CRACD: variants seen among roughly 807,000 people sequenced by gnomAD.
The protein encoded by CRACD is capping protein inhibiting regulator of actin dynamics, also known as capping protein-inhibiting regulator of actin dynamics.
In CRACD, 56 loss-of-function variants were observed where a neutral mutation model predicts 106.8. The observed-to-expected ratio is 0.52, with a 90% CI of 0.42 to 0.66. The LOEUF (loss-of-function observed/expected upper bound fraction) is 0.66, where lower values mean the gene tolerates loss of function less well. CRACD is among the 30% of genes least tolerant of loss of function. The pLI, the probability that CRACD is intolerant of heterozygous loss-of-function variation, is 0.00. For synonymous variants in CRACD, 754 were observed against 670.8 expected, an observed-to-expected ratio of 1.12 and a Z score of -1.92; for missense variants, 1,730 against 1,623.2, an observed-to-expected ratio of 1.07 and a Z score of -1.13.
chr4:56,177,617 G>A (rs1736642738), intron 1 of CRACD, among the ~76,000 whole-genome samples: 1 of 152,136 alleles, frequency 6.6e-6, no homozygotes, highest in South Asian at 2.1e-4. Flanking sequence ...TAAATGCTTG[G>A]TAGAATTCAG....
chr4:56,205,598 C>T (rs1023834486), intron 2 of CRACD, among the ~76,000 whole-genome samples: 1 of 151,720 alleles, frequency 6.6e-6, no homozygotes, highest in African/African-American at 2.4e-5. Context: ...AGAGTTGAGA[C>T]CAGTACTCCA....
intron 7 of CRACD, 115 bp downstream of exon 7, chr4:56,313,494 C>T (rs1745293326): frequency 1.2e-6 from 1 of 852,976 alleles, no homozygotes; most frequent in East Asian, 2.6e-5. Context: ...GTCTCCCCAT[C>T]GGGAACTTGA....
intron 2 of CRACD, among the ~76,000 whole-genome samples, chr4:56,231,160 A>G (rs1739596715): frequency 6.6e-6 from 1 of 152,200 alleles, no homozygotes; most frequent in African/African-American, 2.4e-5. Context: ...GTTCTTGTAC[A>G]TCATGATATT....
At chr4:56,224,221 A>G (rs1204680265) in intron 2 of CRACD, among the ~76,000 whole-genome samples, 5 of 151,566 alleles carry the variant, frequency 3.3e-5, no homozygotes, top group African/African-American at 7.3e-5. Context: ...AGTTTTTCCT[A>G]TCTGAGGCCA....
chr4:56,107,210 G>C (rs759647877), intron 1 of CRACD, among the ~76,000 whole-genome samples: 19 of 151,970 alleles, frequency 1.3e-4, no homozygotes, highest in Non-Finnish European at 2.6e-4. Flanking sequence ...TTAACTCCTA[G>C]CCTCAAATGA....
chr4:56,169,500 G>A (rs1472618034), intron 1 of CRACD, among the ~76,000 whole-genome samples: 2 of 152,094 alleles, frequency 1.3e-5, no homozygotes, highest in Middle Eastern at 3.4e-3. Context: ...TCCTTTAAGT[G>A]TATTGGTTTT....
At chr4:56,138,798 C>G (rs1305996170) in intron 1 of CRACD, among the ~76,000 whole-genome samples, 2 of 152,154 alleles carry the variant, frequency 1.3e-5, no homozygotes, top group African/African-American at 4.8e-5. Context: ...AGTTTCAAAC[C>G]TTTTGACCTA....
intron 3 of CRACD, 91 bp from the exon 4 acceptor site, chr4:56,298,123 G>A: frequency 1.5e-6 from 2 of 1,365,188 alleles, no homozygotes; most frequent in Non-Finnish European, 1.0e-6. Flanking sequence ...TGGGAATGTG[G>A]GTGGAGTCCC....
At chr4:56,078,762 C>G (rs1268641566) in intron 1 of CRACD, among the ~76,000 whole-genome samples, 1 of 152,128 alleles carries the variant, frequency 6.6e-6, no homozygotes, top group Non-Finnish European at 1.5e-5. Flanking sequence ...CCTTGAGTCT[C>G]CATTGACCAG....
At chr4:56,313,063 A>C in intron 6 of CRACD, 134 bp from the exon 7 acceptor site, 1 of 729,170 alleles carries the variant, frequency 1.4e-6, no homozygotes, top group Non-Finnish European at 2.3e-6. Context: ...TTTTCTGAGG[A>C]GTTCCCTCTG....
At chr4:56,189,810 T>G (rs1245329921) in intron 2 of CRACD, among the ~76,000 whole-genome samples, 1 of 148,316 alleles carries the variant, frequency 6.7e-6, no homozygotes, top group East Asian at 2.0e-4. Context: ...TTTTATTTAT[T>G]ATTATTACTA....
At chr4:56,295,108 C>T (rs201014963) in intron 3 of CRACD, among the ~76,000 whole-genome samples, 1 of 151,474 alleles carries the variant, frequency 6.6e-6, no homozygotes, top group Non-Finnish European at 1.5e-5. Context: ...ACAACAACAA[C>T]AAAAAACAGA....
intron 1 of CRACD, among the ~76,000 whole-genome samples, chr4:56,118,392 A>G (rs1734368796): frequency 6.6e-6 from 1 of 152,204 alleles, no homozygotes; most frequent in Non-Finnish European, 1.5e-5. Flanking sequence ...ACATTCTTTG[A>G]TTTCAATAAT....
chr4:56,191,135 AT>A (rs1315025570), intron 2 of CRACD, among the ~76,000 whole-genome samples: 3 of 152,200 alleles, frequency 2.0e-5, no homozygotes, highest in African/African-American at 2.4e-5. Context: ...TAGAATGTGT[AT>A]TCATTTTCTA....
At chr4:56,307,295 G>A (rs1318396031) in intron 4 of CRACD, among the ~76,000 whole-genome samples, 2 of 152,102 alleles carry the variant, frequency 1.3e-5, no homozygotes, top group Non-Finnish European at 2.9e-5. Flanking sequence ...GAAAGAGGTG[G>A]CTGGATGAAA....
In CRACD at chr4:56,314,305, AGC is replaced by A; in HGVS notation, c.804_805del (p.Glu268AspfsTer41). 2 of 1,554,064 alleles carry A rather than the reference AGC, an allele frequency of 1.3e-6. No homozygotes were observed. Among genetic ancestry groups the A allele is most frequent in the Non-Finnish European group, 1.7e-6 (2 of 1,148,398 alleles). On this transcript the variant is annotated frameshift_variant, in exon 8 of 11. Coordinates refer to ENST00000682029, the MANE Select transcript of CRACD (RefSeq NM_001393381.1). LOFTEE classifies it high-confidence loss of function. This position sits in a 1 kb window ranked among gnomAD's most constrained non-coding sequence, Gnocchi z 4.4. ...CTTTGGGAAGAGAACAGAAGGCAGGAGCTCTTGGAGGAGGAGGGCGAGGGGCA... is the reference window on the plus strand; with the variant it reads ...CTTTGGGAAGAGAACAGAAGGCAGGATCTTGGAGGAGGAGGGCGAGGGGCA...
rs567339644 is a variant in CRACD at position 56,310,797 on chromosome 4, C to G, written c.354+63C>G. On this transcript the variant is annotated intron_variant, in intron 6 of 10. Transcript: ENST00000682029. ...TTACTTAACTTTCATCTTCCCCCCC[C>G]CTTTTTTTTTTTTGCGACCTGCTGC... 57 of 974,274 alleles carry G rather than the reference C, an allele frequency of 5.9e-5. 1 individual carries two copies. The highest frequency in any genetic ancestry group is 2.6e-4 in the South Asian group (18 of 70,532). The allele number at this position is 974,274 out of a possible 1,614,324, so 60.4% of individuals were successfully genotyped here.
chr4:56,176,431 CTT>C (rs3036818), intron 1 of CRACD, among the ~76,000 whole-genome samples: 10 of 137,188 alleles, frequency 7.3e-5, no homozygotes, highest in Admixed American at 7.5e-5. Context: ...CTTCCAATTT[CTT>C]TTTTTTTTTT....
At chr4:56,127,690 G>C (rs529630815) in intron 1 of CRACD, among the ~76,000 whole-genome samples, 1 of 152,336 alleles carries the variant, frequency 6.6e-6, no homozygotes, top group Non-Finnish European at 1.5e-5. Context: ...GGTCTCATGA[G>C]ATAGATGTCT....
Sources: gnomAD v4.1 joint callset for allele counts (sites outside exome capture counted in the v4.1 genomes callset) on GRCh38, gnomAD v4.1.1 for gene constraint, Gnocchi (gnomAD v3.1) non-coding constraint, MANE v1.5 for transcripts, NCBI Gene and HGNC (gene_info 2026-07-23, HGNC 2026-07-21) for gene names.